SDK1: variants seen among roughly 807,000 people sequenced by gnomAD.
The protein encoded by SDK1 is protein sidekick-1.
Under a neutral mutation model 245.5 loss-of-function variants are expected in SDK1, and 157 were observed. The ratio of observed to expected loss-of-function variants is 0.64; its 90% confidence interval spans 0.56 to 0.73. The LOEUF is 0.73. Ranked by LOEUF, SDK1 falls within the 30% of genes least tolerant of loss-of-function variation. SDK1 has a pLI of 0.00. For missense variants in SDK1, 3,583 were observed against 3,002.3 expected (o/e 1.19, Z -4.52); for synonymous variants, 1,647 against 1,278.5 (o/e 1.29, Z -6.15).
At chr7:4,108,929 T>C (rs1449412157) in intron 22 of SDK1, among the ~76,000 whole-genome samples, 1 of 152,240 alleles carries the variant, frequency 6.6e-6, no homozygotes, top group East Asian at 1.9e-4. Context: ...GTGCGGTGCA[T>C]GGACCTTGGG....
chr7:4,233,183 C>T lies in SDK1; in HGVS notation c.5828-72C>T. 2.7e-6 allele frequency: 4 copies of T among 1,468,210 alleles called. No homozygotes were observed. The South Asian group carries it at 4.9e-5, about 18-fold the overall frequency. The allele number at this position is 1,468,210 out of a possible 1,614,324, so 90.9% of individuals were successfully genotyped here. A position where few individuals can be genotyped will look rare whatever the true frequency, so the allele number is the denominator to read the frequency against. On this transcript the variant is annotated intron_variant, in intron 40 of 44. Coordinates refer to ENST00000404826, the MANE Select transcript of SDK1 (RefSeq NM_152744.4). ...GGCTGCTGCAAGCCGACCCACCAGGCAGGTGCATGGGGCTCGCATCTGGGA... is the reference window on the plus strand; with the variant it reads ...GGCTGCTGCAAGCCGACCCACCAGGTAGGTGCATGGGGCTCGCATCTGGGA...
intron 25 of SDK1, among the ~76,000 whole-genome samples, chr7:4,120,365 C>A (rs1783978186): frequency 6.7e-6 from 1 of 148,510 alleles, no homozygotes; most frequent in African/African-American, 2.5e-5. Flanking sequence ...ATCTTAAAAA[C>A]AATTGGAGTG....
intron 1 of SDK1, among the ~76,000 whole-genome samples, chr7:3,317,941 T>C (rs1377096619): frequency 6.6e-6 from 1 of 152,192 alleles, no homozygotes; most frequent in Non-Finnish European, 1.5e-5. Flanking sequence ...GTTAAATTCA[T>C]ACCATATCAA....
At chr7:4,181,556 C>A (rs1001539329) in intron 35 of SDK1, among the ~76,000 whole-genome samples, 9 of 152,184 alleles carry the variant, frequency 5.9e-5, no homozygotes, top group South Asian at 2.1e-4. Context: ...TCTCCCTCCC[C>A]TCCCAACATG....
chr7:3,313,886 C>CA (rs1002334044), intron 1 of SDK1, among the ~76,000 whole-genome samples: 4 of 152,086 alleles, frequency 2.6e-5, no homozygotes, highest in Non-Finnish European at 5.9e-5. Flanking sequence ...ATATATGTGT[C>CA]AAAACATGTC....
At chr7:3,844,681 C>T (rs948956879) in intron 5 of SDK1, among the ~76,000 whole-genome samples, 1 of 152,170 alleles carries the variant, frequency 6.6e-6, no homozygotes, top group Non-Finnish European at 1.5e-5. Context: ...TTAAAAAGTG[C>T]CACTTAATGT....
chr7:4,183,441 C>T (rs1782704616), intron 35 of SDK1, among the ~76,000 whole-genome samples: 1 of 152,062 alleles, frequency 6.6e-6, no homozygotes, highest in East Asian at 1.9e-4. Flanking sequence ...CAAGACCAGC[C>T]TGGCCAACAT....
intron 2 of SDK1, among the ~76,000 whole-genome samples, chr7:3,624,334 G>C (rs1782044550): frequency 7.9e-5 from 12 of 152,046 alleles, no homozygotes; most frequent in Admixed American, 7.9e-4. Flanking sequence ...CAAGTAGCTG[G>C]GACCATGGGA....
chr7:3,541,779 A>G lies in SDK1; in HGVS notation c.299-77301A>G, dbSNP rs907696196. ...CTCCAATAAGACATCACCCCAATGC[A>G]TGACTTAGGCAAATAAGGTATTAAC... On this transcript the variant is annotated intron_variant, in intron 1 of 44. Coordinates refer to ENST00000404826, the MANE Select transcript of SDK1 (RefSeq NM_152744.4). Among the ~76,000 whole-genome samples, 3 of 152,242 alleles carry G rather than the reference A, an allele frequency of 2.0e-5. No individual in the cohort carries two copies. The East Asian group carries it at 5.8e-4, about 29-fold the overall frequency.
At chr7:4,106,660 G>A (rs990109094) in intron 22 of SDK1, among the ~76,000 whole-genome samples, 8 of 152,172 alleles carry the variant, frequency 5.3e-5, no homozygotes, top group African/African-American at 9.7e-5. Context: ...CACGCCCGGC[G>A]TTCTCAGAGA....
intron 5 of SDK1, among the ~76,000 whole-genome samples, chr7:3,849,091 TAG>T (rs1235368911): frequency 6.6e-6 from 1 of 152,220 alleles, no homozygotes; most frequent in Admixed American, 6.5e-5. Flanking sequence ...TTTCTCTGTT[TAG>T]AGTTTCCATT....
chr7:3,454,502 A>G (rs765623000), intron 1 of SDK1, among the ~76,000 whole-genome samples: 2 of 151,656 alleles, frequency 1.3e-5, no homozygotes, highest in Non-Finnish European at 2.9e-5. Flanking sequence ...AAATAGTTGC[A>G]TTACTGCAAG....
intron 1 of SDK1, among the ~76,000 whole-genome samples, chr7:3,502,751 GA>G (rs1782258502): frequency 6.6e-6 from 1 of 152,156 alleles, no homozygotes; most frequent in Non-Finnish European, 1.5e-5. Flanking sequence ...TTACAATGTG[GA>G]ATGAGTATAT....
chr7:3,754,300 T>C (rs1004046888), intron 4 of SDK1, among the ~76,000 whole-genome samples: 1 of 152,242 alleles, frequency 6.6e-6, no homozygotes, highest in African/African-American at 2.4e-5. Flanking sequence ...TCAGCAAATT[T>C]TGCTTGGTAT....
chr7:3,965,753 G>A (rs774558741), intron 9 of SDK1, among the ~76,000 whole-genome samples: 5 of 39,078 alleles, frequency 1.3e-4, no homozygotes, highest in Admixed American at 3.6e-4. Flanking sequence ...GAGCAGGTGC[G>A]GTGGCATATT....
intron 1 of SDK1, among the ~76,000 whole-genome samples, chr7:3,526,240 GAA>G (rs112433054): frequency 1.4e-5 from 2 of 142,908 alleles, no homozygotes; most frequent in African/African-American, 5.1e-5. Flanking sequence ...CGCAAAAAAA[GAA>G]AAAAAAAAAT....
chr7:4,223,987 A>G (rs993819989), intron 40 of SDK1, among the ~76,000 whole-genome samples: 3 of 152,144 alleles, frequency 2.0e-5, no homozygotes, highest in Admixed American at 1.3e-4. Context: ...TTGTGCTGGG[A>G]TAACGGTGGC....
chr7:3,860,581 T>C (rs978440222), intron 5 of SDK1, among the ~76,000 whole-genome samples: 1 of 152,232 alleles, frequency 6.6e-6, no homozygotes, highest in African/African-American at 2.4e-5. Flanking sequence ...ACAGCCATTT[T>C]TGGGAGCAAT....
chr7:3,350,595 A>T (rs373070570), intron 1 of SDK1, among the ~76,000 whole-genome samples: 1 of 152,158 alleles, frequency 6.6e-6, no homozygotes, highest in Non-Finnish European at 1.5e-5. Context: ...CATTTTTCCT[A>T]ATCAACTCTA....
Sources: allele counts gnomAD v4.1 joint callset (sites outside exome capture counted in the v4.1 genomes callset), GRCh38; gene constraint gnomAD v4.1.1; transcripts MANE v1.5; gene names NCBI Gene and HGNC (gene_info 2026-07-23, HGNC 2026-07-21).